The following ETV6 variants were observed in gnomAD, a reference collection of about 807,000 sequenced individuals.
ETV6 encodes the protein ETS variant transcription factor 6, also known as transcription factor ETV6.
A neutral mutation model predicts 51.1 loss-of-function variants in ETV6; 16 were observed. That is an observed-to-expected ratio of 0.31 (90% CI 0.21 to 0.48). The LOEUF is 0.48. ETV6 is among the 20% of genes least tolerant of loss of function. ETV6 has a pLI of 0.99. For missense variants in ETV6, 458 were observed against 594.8 expected, an observed-to-expected ratio of 0.77 and a Z score of 2.39; for synonymous variants, 240 against 224.1, an observed-to-expected ratio of 1.07 and a Z score of -0.64.
Position 11,869,508 on chromosome 12 carries a change from G to A in ETV6, c.548G>A (p.Arg183Lys), listed in dbSNP as rs1348250356. Reference protein sequence around the residue: ...PPTIELLHRSRSPITTNHRPS... With the variant: ...PPTIELLHRSKSPITTNHRPS... ...ACCATTGAACTGTTGCACCGCTCCA[G>A]GTCACCTATCACGACAAATCACCGG... Residue 183 changes from arginine to lysine, a missense_variant, in exon 5 of 8, where the codon AGG (arginine) becomes AAG (lysine). Transcript: ENST00000396373. The surrounding 1 kb of genome is among the most constrained non-coding windows in gnomAD (Gnocchi z 5.0). 1.9e-6 allele frequency: 3 copies of A among 1,614,088 alleles called. No homozygotes were observed. The highest frequency in any genetic ancestry group is 2.2e-5 in the East Asian group (1 of 44,872).
chr12:11,656,239 GGCC>G (rs2120617759), intron 1 of ETV6, among the ~76,000 whole-genome samples: 1 of 152,278 alleles, frequency 6.6e-6, no homozygotes, highest in African/African-American at 2.4e-5. Flanking sequence ...GTGATGTATT[GGCC>G]TAAGACCTCG....
At chr12:11,829,002 A>G (rs971151291) in intron 2 of ETV6, among the ~76,000 whole-genome samples, 7 of 152,070 alleles carry the variant, frequency 4.6e-5, no homozygotes, top group African/African-American at 1.7e-4. Flanking sequence ...CACCTCCTTC[A>G]GCCTTCTTTC....
intron 1 of ETV6, among the ~76,000 whole-genome samples, chr12:11,721,832 C>A (rs768638261): frequency 6.6e-6 from 1 of 152,084 alleles, no homozygotes. Flanking sequence ...ATTTTTCTTA[C>A]GAGAGTAAAA....
chr12:11,653,373 C>T (rs922750430), intron 1 of ETV6, among the ~76,000 whole-genome samples: 41 of 152,308 alleles, frequency 2.7e-4, no homozygotes, highest in African/African-American at 9.9e-4. Flanking sequence ...CCAGGACTAA[C>T]CAGAATCCAA....
At chr12:11,794,367 C>T (rs1333070843) in intron 2 of ETV6, among the ~76,000 whole-genome samples, 2 of 152,180 alleles carry the variant, frequency 1.3e-5, no homozygotes, top group Non-Finnish European at 2.9e-5. Context: ...GATCTTAGGG[C>T]TGTGTTCTTT....
At chr12:11,826,276 G>T (rs893722099) in intron 2 of ETV6, 1 of 152,218 alleles carries the variant, frequency 6.6e-6, no homozygotes, top group Non-Finnish European at 1.5e-5. Context: ...CTCCATCCAT[G>T]ATGAGCCACT....
At chr12:11,883,367 T>C (rs2723821) in intron 5 of ETV6, among the ~76,000 whole-genome samples, 127,098 of 147,448 alleles carry the variant, frequency 0.86, 54,919 homozygotes, top group Middle Eastern at 0.92. Context: ...GATCTCGACT[T>C]ACTGCAACTT....
intron 2 of ETV6, among the ~76,000 whole-genome samples, chr12:11,797,930 T>G (rs1250872625): frequency 3.9e-5 from 6 of 152,236 alleles, no homozygotes; most frequent in Non-Finnish European, 7.4e-5. Flanking sequence ...ATGCTTATAA[T>G]ATAAGATAGT....
intron 2 of ETV6, among the ~76,000 whole-genome samples, chr12:11,799,440 C>G (rs1469173592): frequency 6.6e-6 from 1 of 152,198 alleles, no homozygotes; most frequent in African/African-American, 2.4e-5. Flanking sequence ...TCTTGATTAG[C>G]TTCTAGAATC....
At chr12:11,775,402 T>G (rs903486738) in intron 2 of ETV6, among the ~76,000 whole-genome samples, 1 of 152,166 alleles carries the variant, frequency 6.6e-6, no homozygotes, top group Non-Finnish European at 1.5e-5. Flanking sequence ...TTGTGATGAG[T>G]GCTGGGGTTA....
intron 2 of ETV6, among the ~76,000 whole-genome samples, chr12:11,816,843 C>T (rs1431716088): frequency 1.3e-5 from 2 of 152,200 alleles, no homozygotes; most frequent in Admixed American, 1.3e-4. Flanking sequence ...CACTTTCCTT[C>T]AATATTTTCC....
At chr12:11,731,004 C>T (rs999391178) in intron 1 of ETV6, among the ~76,000 whole-genome samples, 3 of 152,290 alleles carry the variant, frequency 2.0e-5, no homozygotes, top group Non-Finnish European at 2.9e-5. Context: ...AGGCCAAGCC[C>T]CTCCAGTGTA....
intron 2 of ETV6, chr12:11,826,655 A>G (rs1443183708): frequency 2.6e-5 from 4 of 152,186 alleles, no homozygotes; most frequent in Non-Finnish European, 4.4e-5. Flanking sequence ...TTCCTCTGGT[A>G]CAGAGATCTT....
At chr12:11,762,973 C>CT (rs1182378408) in intron 2 of ETV6, among the ~76,000 whole-genome samples, 2 of 152,160 alleles carry the variant, frequency 1.3e-5, no homozygotes, top group Admixed American at 6.5e-5. Flanking sequence ...TAAAATGACT[C>CT]TTTCTCCTTC....
At position 11,842,061 on chromosome 12, in the gene ETV6, G is replaced by A. The variant is rs367572262; in HGVS notation, c.328+2757G>A. Among the ~76,000 whole-genome samples the A allele has an allele frequency of 9.6e-3, 1,339 of 140,160 alleles. 25 individuals carry two copies. Among genetic ancestry groups the A allele is most frequent in the African/African-American group, 0.034 (1,244 of 37,100 alleles). 92.0% of individuals were successfully genotyped at this position (140,160 alleles called of 152,430 possible). ...CCCGCCACTGCACTCCAGCCTGGGC[G>A]ACAGAGCGAGACTCCGTCTCAAAAA... is the stretch of plus-strand genomic sequence containing the variant. On this transcript the variant is annotated intron_variant, in intron 3 of 7. Transcript: ENST00000396373.
intron 5 of ETV6, among the ~76,000 whole-genome samples, chr12:11,883,032 T>G (rs1453268031): frequency 1.3e-5 from 2 of 152,198 alleles, no homozygotes; most frequent in Non-Finnish European, 2.9e-5. Flanking sequence ...CAGTAGTTGA[T>G]CTTCCATCAC....
intron 1 of ETV6, among the ~76,000 whole-genome samples, chr12:11,707,757 C>T (rs60711165): frequency 0.013 from 1,953 of 152,308 alleles, 36 homozygotes; most frequent in African/African-American, 0.045. Flanking sequence ...TCCTGGAGAA[C>T]GTCATGGCAC....
intron 4 of ETV6, among the ~76,000 whole-genome samples, chr12:11,866,112 C>T (rs1407875911): frequency 6.6e-6 from 1 of 152,064 alleles, no homozygotes; most frequent in Non-Finnish European, 1.5e-5. Context: ...CCTTTCTTCT[C>T]TCATCTCCGT....
intron 1 of ETV6, among the ~76,000 whole-genome samples, chr12:11,708,637 G>C (rs1865115875): frequency 6.6e-6 from 1 of 152,174 alleles, no homozygotes; most frequent in African/African-American, 2.4e-5. Context: ...TTTCATTCTA[G>C]GCACATTCAG....
Sources: allele counts gnomAD v4.1 joint callset (sites outside exome capture counted in the v4.1 genomes callset), GRCh38; gene constraint gnomAD v4.1.1; non-coding constraint Gnocchi (gnomAD v3.1); transcripts MANE v1.5; gene names NCBI Gene and HGNC (gene_info 2026-07-23, HGNC 2026-07-21).